Variants in TRAPPC8 observed in about 807,000 individuals in gnomAD.
The protein encoded by TRAPPC8 is general sporulation gene 1 homolog.
Under a neutral mutation model 174.3 loss-of-function variants are expected in TRAPPC8, and 54 were observed. That is an observed-to-expected ratio of 0.31 (90% CI 0.25 to 0.39). The LOEUF (loss-of-function observed/expected upper bound fraction) is 0.39. TRAPPC8 is among the 10% of genes least tolerant of loss of function. The pLI is 1.00. For synonymous variants in TRAPPC8, 630 were observed against 579.9 expected, an observed-to-expected ratio of 1.09 and a Z score of -1.24; for missense variants, 1,531 against 1,699.1, an observed-to-expected ratio of 0.90 and a Z score of 1.74.
At chr18:31,901,052 T>C (rs1460574259) in intron 9 of TRAPPC8, 27 bp from the exon 10 acceptor site, 2 of 1,552,614 alleles carry the variant, frequency 1.3e-6, no homozygotes, top group African/African-American at 1.4e-5. Context: ...AGTTTACATA[T>C]TTCAAAAGAA....
intron 1 of TRAPPC8, among the ~76,000 whole-genome samples, chr18:31,932,472 T>A (rs1332134793): frequency 6.6e-6 from 1 of 151,306 alleles, no homozygotes; most frequent in Non-Finnish European, 1.5e-5. Context: ...AATGTCCAGA[T>A]CCCTTTTACC....
intron 11 of TRAPPC8, among the ~76,000 whole-genome samples, chr18:31,891,629 T>C (rs1042692653): frequency 6.6e-6 from 1 of 152,198 alleles, no homozygotes; most frequent in Non-Finnish European, 1.5e-5. Context: ...TGAAGGTTGC[T>C]GATTAAATAT....
chr18:31,898,227 GGTT>G (rs1350066292), intron 10 of TRAPPC8, among the ~76,000 whole-genome samples: 7 of 151,114 alleles, frequency 4.6e-5, no homozygotes, highest in Admixed American at 4.6e-4. Context: ...ATTTATTGTT[GGTT>G]TTTTCCCAAA....
At chr18:31,879,615 A>C (rs570971925) in intron 12 of TRAPPC8, among the ~76,000 whole-genome samples, 10 of 152,252 alleles carry the variant, frequency 6.6e-5, no homozygotes, top group Middle Eastern at 3.4e-3. Context: ...TAAAGATCAG[A>C]GCAGATCTTT....
chr18:31,862,533 A>G (rs1344936720), intron 19 of TRAPPC8, among the ~76,000 whole-genome samples: 1 of 152,156 alleles, frequency 6.6e-6, no homozygotes, highest in Non-Finnish European at 1.5e-5. Flanking sequence ...ACAAAGTTTG[A>G]GCCTTATCTC....
intron 28 of TRAPPC8, among the ~76,000 whole-genome samples, chr18:31,831,354 GAAAACAAAC>G (rs1388854361): frequency 1.6e-4 from 25 of 152,258 alleles, no homozygotes; most frequent in African/African-American, 5.8e-4. Flanking sequence ...ATCTCAAGAA[GAAAACAAAC>G]ATCCCTTTCA....
At chr18:31,891,608 T>C (rs1016367040) in intron 11 of TRAPPC8, among the ~76,000 whole-genome samples, 1 of 152,168 alleles carries the variant, frequency 6.6e-6, no homozygotes, top group Non-Finnish European at 1.5e-5. Context: ...TACAGATAAC[T>C]GAGAAAGTAC....
chr18:31,846,596 CA>C (rs1228673979), intron 26 of TRAPPC8, 119 bp downstream of exon 26: 4 of 805,294 alleles, frequency 5.0e-6, no homozygotes, highest in East Asian at 2.5e-5. Context: ...CAAAAAAAAC[CA>C]AAAAACAAAA....
At chr18:31,831,022 TTTTTTC>T in intron 28 of TRAPPC8, 33 bp from the exon 29 acceptor site, 1 of 1,566,026 alleles carries the variant, frequency 6.4e-7, no homozygotes, top group East Asian at 2.3e-5. Flanking sequence ...GTTGCAGGAT[TTTTTTC>T]TTTTTAATTT....
chr18:31,852,329 C>T lies in TRAPPC8; in HGVS notation c.3561+117G>A, dbSNP rs1336572380. 1.6e-5 allele frequency: 18 copies of T among 1,130,544 alleles called. No homozygotes were observed. The East Asian group carries it at 4.3e-4, about 27-fold the overall frequency. The allele number at this position is 1,130,544 out of a possible 1,614,324, so 70.0% of individuals were successfully genotyped here. On this transcript the variant is annotated intron_variant, in intron 24 of 28. Coordinates refer to ENST00000283351, the MANE Select transcript of TRAPPC8 (RefSeq NM_014939.5). ...GTACTCCTGGGAGACAGAGCAAGACCTTGTCTCCCCCCCAAAAAAAAGCGT... is the reference window on the plus strand; with the variant it reads ...GTACTCCTGGGAGACAGAGCAAGACTTTGTCTCCCCCCCAAAAAAAAGCGT...
intron 11 of TRAPPC8, among the ~76,000 whole-genome samples, chr18:31,892,240 TTG>T (rs769759044): frequency 3.1e-4 from 47 of 152,368 alleles, no homozygotes; most frequent in East Asian, 1.7e-3. Flanking sequence ...CTTAATAGTG[TTG>T]TGTCATGTCA....
At position 31,857,598 on chromosome 18, in the gene TRAPPC8, C is replaced by T. The variant is rs1186415028; in HGVS notation, c.3130G>A (p.Val1044Ile). The change falls in exon 20 of 29, where the codon GTC becomes ATC. Residue 1044 changes from valine to isoleucine, a missense_variant. Physicochemically the swap from Val to Ile is conservative, Grantham distance 29. Transcript: ENST00000283351. ...MWLRGPDEEG[V>I]HEINFLFYYE... ...TAAAACAAAAAGTTAATTTCATGGA[C>T]ACCTTCTTCATCAGGCCCACGTAAC... 4 of 1,611,578 alleles carry T rather than the reference C, an allele frequency of 2.5e-6. No individual in the cohort carries two copies. Among genetic ancestry groups the T allele is most frequent in the Non-Finnish European group, 3.4e-6 (4 of 1,179,238 alleles).
chr18:31,920,945 CAAAAAAAAA>C (rs71177808), intron 2 of TRAPPC8, among the ~76,000 whole-genome samples: 1 of 76,900 alleles, frequency 1.3e-5, no homozygotes, highest in African/African-American at 4.7e-5. Context: ...CACTCCGTCT[CAAAAAAAAA>C]AAAAAAAAAA....
At position 31,852,342 on chromosome 18, in the gene TRAPPC8, C is replaced by A. The variant is rs1207434758; in HGVS notation, c.3561+104G>T. 109 of 1,317,908 alleles carry A rather than the reference C, an allele frequency of 8.3e-5. 1 individual carries two copies. The highest frequency in any genetic ancestry group is 6.4e-4 in the South Asian group (49 of 76,046). 81.6% of individuals were successfully genotyped at this position (1,317,908 alleles called of 1,614,324 possible). A position where few individuals can be genotyped will look rare whatever the true frequency, so the allele number is the denominator to read the frequency against. ...ACAGAGCAAGACCTTGTCTCCCCCC[C>A]AAAAAAAAGCGTTTGGGAATTACTG... On this transcript the variant is annotated intron_variant, in intron 24 of 28. Transcript: ENST00000283351.
chr18:31,878,345 A>T (rs2035264531), intron 12 of TRAPPC8, among the ~76,000 whole-genome samples: 1 of 152,226 alleles, frequency 6.6e-6, no homozygotes, highest in Non-Finnish European at 1.5e-5. Flanking sequence ...TACCCTTTTT[A>T]ATGACAAATA....
chr18:31,936,366 A>T (rs752725435), intron 1 of TRAPPC8, among the ~76,000 whole-genome samples: 1 of 152,050 alleles, frequency 6.6e-6, no homozygotes, highest in Non-Finnish European at 1.5e-5. Flanking sequence ...CAGGAGGCCA[A>T]TGTGGAATGA....
chr18:31,942,435 C>T (rs2038385725), intron 1 of TRAPPC8, 173 bp downstream of exon 1: 1 of 784,248 alleles, frequency 1.3e-6, no homozygotes, highest in East Asian at 3.2e-5. Context: ...TCTTGACAAC[C>T]TCACGGTCCC....
rs2038410172 is a variant in TRAPPC8, at chr18:31,942,826, G to C, written c.-62C>G. 7.9e-7 allele frequency: 1 copy of C among 1,273,008 alleles called. No homozygotes were observed. The highest frequency in any genetic ancestry group is 1.5e-5 in the African/African-American group (1 of 64,588). 78.9% of individuals were successfully genotyped at this position (1,273,008 alleles called of 1,614,324 possible). On this transcript the variant is annotated 5_prime_UTR_variant, in exon 1 of 29. Transcript: ENST00000283351. ...GCCCACCCTGCGAGGTTATCCTGCG[G>C]CTGCAGCAGCTACCGCCGCCGCCCG...
At chr18:31,864,005 A>C (rs1205959816) in intron 19 of TRAPPC8, among the ~76,000 whole-genome samples, 1 of 147,610 alleles carries the variant, frequency 6.8e-6, no homozygotes, top group Non-Finnish European at 1.5e-5. Flanking sequence ...ATAATACTTT[A>C]TTATAATATG....
Sources: gnomAD v4.1 joint callset for allele counts (sites outside exome capture counted in the v4.1 genomes callset) on GRCh38, gnomAD v4.1.1 for gene constraint, MANE v1.5 for transcripts, NCBI Gene and HGNC (gene_info 2026-07-23, HGNC 2026-07-21) for gene names.